The following OSBPL10 variants were observed in gnomAD, a reference collection of about 807,000 sequenced individuals.
OSBPL10 encodes oxysterol-binding protein-related protein 10.
A neutral mutation model predicts 81.7 loss-of-function variants in OSBPL10; 49 were observed. The ratio of observed to expected loss-of-function variants is 0.60; its 90% confidence interval spans 0.48 to 0.76. The LOEUF (loss-of-function observed/expected upper bound fraction) is 0.76. Ranked by LOEUF, OSBPL10 falls within the 30% of genes least tolerant of loss-of-function variation. The pLI is 0.00. For missense variants in OSBPL10, 923 were observed against 987.8 expected (o/e 0.93, Z 0.88); for synonymous variants, 419 against 383.6 (o/e 1.09, Z -1.08).
intron 4 of OSBPL10, among the ~76,000 whole-genome samples, chr3:31,774,615 C>A (rs1444806249): frequency 6.6e-6 from 1 of 151,896 alleles, no homozygotes; most frequent in Non-Finnish European, 1.5e-5. Context: ...CAGGTTCAAG[C>A]GATTCTCCTG....
chr3:31,749,600 A>G (rs1214553770), intron 4 of OSBPL10, among the ~76,000 whole-genome samples: 3 of 152,008 alleles, frequency 2.0e-5, no homozygotes, highest in Admixed American at 2.0e-4. Context: ...GAAACACCTG[A>G]GGTCAGGAGC....
At chr3:31,978,740 A>G (rs1414740559) in intron 1 of OSBPL10, among the ~76,000 whole-genome samples, 3 of 152,234 alleles carry the variant, frequency 2.0e-5, no homozygotes, top group African/African-American at 7.2e-5. Context: ...AAACAAACTC[A>G]ATAAAGATGA....
intron 8 of OSBPL10, among the ~76,000 whole-genome samples, chr3:31,673,500 G>A (rs1347864777): frequency 1.3e-5 from 2 of 152,144 alleles, no homozygotes; most frequent in Non-Finnish European, 2.9e-5. Flanking sequence ...GGTGCCAGCT[G>A]TATCCCCACA....
chr3:31,910,942 A>G (rs898811417), intron 1 of OSBPL10, among the ~76,000 whole-genome samples: 2 of 152,208 alleles, frequency 1.3e-5, no homozygotes, highest in African/African-American at 4.8e-5. Flanking sequence ...CTTCTCAAGC[A>G]TGGTCCAGAA....
At chr3:31,682,282 G>T (rs1399735467) in intron 8 of OSBPL10, among the ~76,000 whole-genome samples, 1 of 152,118 alleles carries the variant, frequency 6.6e-6, no homozygotes, top group Non-Finnish European at 1.5e-5. Context: ...ATTGAGCCTG[G>T]TACTCTCCAG....
chr3:31,687,736 C>G (rs1700827918), intron 7 of OSBPL10, among the ~76,000 whole-genome samples: 1 of 151,984 alleles, frequency 6.6e-6, no homozygotes, highest in South Asian at 2.1e-4. Context: ...ACAAGGGAGA[C>G]AGCTAGGATG....
intron 4 of OSBPL10, among the ~76,000 whole-genome samples, chr3:31,776,747 C>G (rs544771148): frequency 1.3e-5 from 2 of 151,962 alleles, no homozygotes; most frequent in Non-Finnish European, 2.9e-5. Context: ...GAGGCAAATC[C>G]ACAGAACCAT....
rs955304774 is a variant in OSBPL10 at position 32,034,899 on chromosome 3, A to G, written n.298+11592T>C. 9.2e-5 allele frequency among the ~76,000 whole-genome samples: 14 copies of G among 152,278 alleles called. No homozygotes were observed. In the East Asian group the frequency reaches 1.3e-3, roughly 15 times the overall value. On this transcript the variant is annotated intron_variant and non_coding_transcript_variant, in intron 2 of 3. Coordinates refer to the OSBPL10 transcript ENST00000479173. ...TGCAAAATATATCAAAATAAATATC[A>G]AGTATACAGCTATTATTCCAGAGCT...
intron 7 of OSBPL10, among the ~76,000 whole-genome samples, chr3:31,694,810 A>G (rs1201757938): frequency 6.6e-6 from 1 of 152,194 alleles, no homozygotes; most frequent in Non-Finnish European, 1.5e-5. Flanking sequence ...ACTGGAGTGC[A>G]ATGGCACAAT....
intron 1 of OSBPL10, among the ~76,000 whole-genome samples, chr3:31,904,141 C>CT (rs766888598): frequency 1.3e-5 from 2 of 152,194 alleles, no homozygotes; most frequent in Non-Finnish European, 2.9e-5. Flanking sequence ...AGCTGGCTCC[C>CT]TCCCTCTCCC....
chr3:31,712,621 G>C (rs1178029481), intron 6 of OSBPL10, among the ~76,000 whole-genome samples: 1 of 152,196 alleles, frequency 6.6e-6, no homozygotes, highest in East Asian at 1.9e-4. Flanking sequence ...TTCTTTCCTA[G>C]GGCCTCCAGA....
intron 5 of OSBPL10, 101 bp from the exon 6 acceptor site, chr3:31,733,512 G>C: frequency 6.9e-7 from 1 of 1,441,916 alleles, no homozygotes; most frequent in Non-Finnish European, 9.7e-7. Context: ...TACTTGAAAA[G>C]GGCATGAGGT....
At chr3:31,913,352 G>A (rs577881994) in intron 1 of OSBPL10, among the ~76,000 whole-genome samples, 6 of 151,838 alleles carry the variant, frequency 4.0e-5, no homozygotes, top group African/African-American at 7.2e-5. Flanking sequence ...AGGTTCAAGC[G>A]ATTCTCCTGC....
At chr3:31,744,786 GA>G (rs1553620553) in intron 5 of OSBPL10, among the ~76,000 whole-genome samples, 34 of 147,034 alleles carry the variant, frequency 2.3e-4, no homozygotes, top group African/African-American at 3.0e-4. Flanking sequence ...TGAAAATTAG[GA>G]AAAAAAAAAA....
intron 4 of OSBPL10, among the ~76,000 whole-genome samples, chr3:31,756,261 A>G (rs1697883084): frequency 6.6e-6 from 1 of 152,134 alleles, no homozygotes. Context: ...TTTCTTTCAT[A>G]TATTCTAGAA....
chr3:31,816,845 G>A (rs553238036), intron 4 of OSBPL10, among the ~76,000 whole-genome samples: 23 of 152,244 alleles, frequency 1.5e-4, no homozygotes, highest in Admixed American at 1.2e-3. Context: ...GAAGGCCCTG[G>A]AGAGGGTGGC....
At chr3:31,680,984 G>A (rs535109294) in intron 8 of OSBPL10, among the ~76,000 whole-genome samples, 10 of 148,180 alleles carry the variant, frequency 6.7e-5, no homozygotes, top group Non-Finnish European at 1.3e-4. Flanking sequence ...CTAAGAGGAG[G>A]ATAATACTCA....
chr3:31,882,312 A>G (rs1336896261), intron 1 of OSBPL10, among the ~76,000 whole-genome samples: 1 of 152,168 alleles, frequency 6.6e-6, no homozygotes, highest in Non-Finnish European at 1.5e-5. Flanking sequence ...TAATAACGGT[A>G]TTTCTGGTTC....
At chr3:31,865,307 G>A (rs1364568278) in intron 3 of OSBPL10, among the ~76,000 whole-genome samples, 1 of 152,182 alleles carries the variant, frequency 6.6e-6, no homozygotes, top group African/African-American at 2.4e-5. Context: ...TGGCTACTGA[G>A]CACTTGAAAT....
Sources: allele counts gnomAD v4.1 joint callset (sites outside exome capture counted in the v4.1 genomes callset), GRCh38; gene constraint gnomAD v4.1.1; transcripts MANE v1.5; gene names NCBI Gene and HGNC (gene_info 2026-07-23, HGNC 2026-07-21).